The following RNPS1 variants were observed in gnomAD, a reference collection of about 807,000 sequenced individuals.
RNPS1 encodes RNA-binding protein with serine-rich domain 1.
For missense variants in RNPS1, 300 were observed against 427.6 expected, an observed-to-expected ratio of 0.70 and a Z score of 2.63; for synonymous variants, 147 against 150.0, an observed-to-expected ratio of 0.98 and a Z score of 0.15.
intron 1 of RNPS1, chr16:2,267,838 C>A (rs1306482254): frequency 1.5e-5 from 23 of 1,506,216 alleles, no homozygotes; most frequent in African/African-American, 5.7e-5. Flanking sequence ...AGGCGCCCTT[C>A]CGTCCGCAGC....
chr16:2,266,059 A>T (rs2093623890), intron 1 of RNPS1: 1 of 945,112 alleles, frequency 1.1e-6, no homozygotes, highest in South Asian at 4.9e-5. Flanking sequence ...AAGCTGCAGG[A>T]GTTGTTAAGT....
intron 1 of RNPS1, 105 bp from the exon 2 acceptor site, chr16:2,264,865 G>T: frequency 1.1e-6 from 1 of 914,650 alleles, no homozygotes; most frequent in Non-Finnish European, 1.6e-6. Flanking sequence ...AGGGAGCACG[G>T]TAAGCAATAA....
chr16:2,253,795 C>CA lies in RNPS1; in HGVS notation c.*168dup. The CA allele has an allele frequency of 2.8e-6, 2 of 719,488 alleles. No homozygotes were observed. The highest frequency in any genetic ancestry group is 5.1e-6 in the Non-Finnish European group (2 of 391,788). The allele number at this position is 719,488 out of a possible 1,614,324, so 44.6% of individuals were successfully genotyped here. A position where few individuals can be genotyped will look rare whatever the true frequency, so the allele number is the denominator to read the frequency against. On this transcript the variant is annotated 3_prime_UTR_variant, in exon 8 of 8. Coordinates refer to ENST00000320225, the MANE Select transcript of RNPS1 (RefSeq NM_080594.4). ...GACAGGCACACAGCATCCAAACCAA[C>CA]AGCACTTCTGCAGCCGGGGCCCGGC... is the stretch of plus-strand genomic sequence containing the variant.
intron 7 of RNPS1, 103 bp downstream of exon 7, chr16:2,255,482 A>G: frequency 7.4e-7 from 1 of 1,345,262 alleles, no homozygotes; most frequent in Non-Finnish European, 1.0e-6. Context: ...GCCAGCCCGC[A>G]CAGCAGTGGA....
At chr16:2,261,038 G>A (rs1414628582) in intron 6 of RNPS1, among the ~76,000 whole-genome samples, 3 of 152,030 alleles carry the variant, frequency 2.0e-5, no homozygotes, top group South Asian at 2.1e-4. Flanking sequence ...GCTGAGGGAG[G>A]AGAATGGCAT....
rs780790602 is a variant in RNPS1 at position 2,255,662 on chromosome 16, G to A, written c.741C>T (p.Pro247=). ...AVLAPWPRPP[P]RRFSPPRRML... ...TTCTCCTGGGAGGGCTGAATCTCCT[G>A]GGGGGTGGCCTAGGCCAGGGGGCCA... Residue 247 remains proline, a synonymous_variant, in exon 7 of 8, where the codon CCC becomes CCT. Coordinates refer to ENST00000320225, the MANE Select transcript of RNPS1 (RefSeq NM_080594.4). The A allele has an allele frequency of 2.4e-5, 39 of 1,612,712 alleles. 1 individual carries two copies. The East Asian group carries it at 2.9e-4, about 12-fold the overall frequency.
chr16:2,265,500 T>C (rs2093621633), intron 1 of RNPS1: 1 of 151,972 alleles, frequency 6.6e-6, no homozygotes, highest in African/African-American at 2.4e-5. Flanking sequence ...TTTTTTTTTT[T>C]TTGAGACAGA....
chr16:2,264,425 A>T, intron 2 of RNPS1, 94 bp from the exon 3 acceptor site: 1 of 1,582,998 alleles, frequency 6.3e-7, no homozygotes, highest in Non-Finnish European at 8.7e-7. Flanking sequence ...GCAGGGCCAC[A>T]GAGACCCGAG....
chr16:2,264,559 T>C lies in RNPS1; in HGVS notation c.71+14A>G, dbSNP rs574661288. On this transcript the variant is annotated intron_variant, in intron 2 of 7. Transcript: ENST00000320225. ...CCCCCAAGTAGCACTAGAAAAATCT[T>C]ACAGAAGGATTACCTAGTGCTGGAC... The C allele has an allele frequency of 9.3e-6, 15 of 1,612,694 alleles. No homozygotes were observed. The Admixed American group carries it at 1.2e-4, about 13-fold the overall frequency.
chr16:2,264,302 C>A lies in RNPS1; in HGVS notation c.101G>T (p.Arg34Leu), dbSNP rs766012314. 13 of 1,614,058 alleles carry A rather than the reference C, an allele frequency of 8.1e-6. No individual in the cohort carries two copies. The highest frequency in any genetic ancestry group is 6.8e-6 in the Non-Finnish European group (8 of 1,180,048). Residue 34 changes from arginine to leucine, a missense_variant, in exon 3 of 8, where the codon CGC becomes CTC. Coordinates refer to ENST00000320225, the MANE Select transcript of RNPS1 (RefSeq NM_080594.4). ...GCGATCCTTGGACTTCTCATCTGAG[C>A]GGTCTTTGCGTTTGGTAGGTGAAGG... is the stretch of plus-strand genomic sequence containing the variant. ...RAPSPTKRKD[R>L]SDEKSKDRSK... is the part of the protein sequence containing the mutation.
At chr16:2,258,367 A>G (rs2093587912) in intron 6 of RNPS1, 1 of 152,250 alleles carries the variant, frequency 6.6e-6, no homozygotes, top group African/African-American at 2.4e-5. Context: ...GTGTTCCTTT[A>G]AACTGGAGCT....
intron 4 of RNPS1, 67 bp from the exon 5 acceptor site, chr16:2,262,909 G>A (rs1596811069): frequency 2.8e-6 from 4 of 1,433,580 alleles, no homozygotes; most frequent in Non-Finnish European, 3.9e-6. Flanking sequence ...CGCCTTTCGA[G>A]TAAGCTCTTA....
chr16:2,254,118 G>C (rs2093565513), intron 7 of RNPS1, 55 bp from the exon 8 acceptor site: 21 of 1,264,254 alleles, frequency 1.7e-5, no homozygotes, highest in Non-Finnish European at 2.2e-5. Context: ...GGGCAAGCTA[G>C]CTTCTTTCTG....
At position 2,263,374 on chromosome 16, in the gene RNPS1, G is replaced by A. The variant is rs1308230872; in HGVS notation, c.228-87C>T. On this transcript the variant is annotated intron_variant, in intron 3 of 7. Transcript: ENST00000320225. ...TCCAATTCTGTTGTGCTCCCCCCAG[G>A]AGAAACCTGCTGTTCGGGTGCCTCC... 12 of 1,371,906 alleles carry A rather than the reference G, an allele frequency of 8.7e-6. No individual in the cohort carries two copies. In the East Asian group the frequency reaches 1.4e-4, roughly 16 times the overall value. 85.0% of individuals were successfully genotyped at this position (1,371,906 alleles called of 1,614,324 possible).
chr16:2,260,581 T>C (rs918795225), intron 6 of RNPS1, among the ~76,000 whole-genome samples: 1 of 152,180 alleles, frequency 6.6e-6, no homozygotes, highest in Admixed American at 6.5e-5. Flanking sequence ...CACTTTCTAA[T>C]GGACAAAAAC....
At chr16:2,267,108 G>C (rs540501764) in intron 1 of RNPS1, 1 of 847,748 alleles carries the variant, frequency 1.2e-6, no homozygotes, top group Non-Finnish European at 1.4e-6. Flanking sequence ...AAGAACCACT[G>C]AGTAAGCGGA....
chr16:2,257,189 C>A (rs747172960), intron 6 of RNPS1: 6 of 152,194 alleles, frequency 3.9e-5, no homozygotes, highest in African/African-American at 9.7e-5. Flanking sequence ...CCCAGGGGAG[C>A]ATGCACCCCG....
chr16:2,267,503 C>A, intron 1 of RNPS1: 1 of 1,011,484 alleles, frequency 9.9e-7, no homozygotes, highest in Non-Finnish European at 1.2e-6. Flanking sequence ...CCGATAATTG[C>A]ACACGGGAGT....
chr16:2,254,045 G>A lies in RNPS1; in HGVS notation c.837C>T (p.Arg279=). The change falls in exon 8 of 8, where the codon CGC becomes CGT. Residue 279 remains arginine (R), a synonymous_variant. Coordinates refer to ENST00000320225, the MANE Select transcript of RNPS1 (RefSeq NM_080594.4). ...GTGATCTCCGGCGCACGGGGGACCT[G>A]CGCCTCGGGGAGCGGGACCTGCGGG... ...RMRRRSRSPR[R]RSPVRRRSRS... The A allele has an allele frequency of 6.7e-7, 1 of 1,492,522 alleles. No individual in the cohort carries two copies. Among genetic ancestry groups the A allele is most frequent in the Non-Finnish European group, 8.9e-7 (1 of 1,118,086 alleles). The allele number at this position is 1,492,522 out of a possible 1,614,324, so 92.5% of individuals were successfully genotyped here. A position where few individuals can be genotyped will look rare whatever the true frequency, so the allele number is the denominator to read the frequency against.
Sources: allele counts gnomAD v4.1 joint callset (sites outside exome capture counted in the v4.1 genomes callset), GRCh38; gene constraint gnomAD v4.1.1; transcripts MANE v1.5; gene names NCBI Gene and HGNC (gene_info 2026-07-23, HGNC 2026-07-21).